Variants in PTPRD observed in about 807,000 individuals in gnomAD.
PTPRD encodes protein tyrosine phosphatase receptor type D.
Under a neutral mutation model 214.5 loss-of-function variants are expected in PTPRD, and 34 were observed. The ratio of observed to expected loss-of-function variants is 0.16; its 90% confidence interval spans 0.12 to 0.21. The LOEUF is 0.21. Ranked by LOEUF, PTPRD falls within the 10% of genes least tolerant of loss-of-function variation. PTPRD has a pLI of 1.00. For missense variants in PTPRD, 2,545 were observed against 2,398.7 expected (o/e 1.06, Z -1.27); for synonymous variants, 1,128 against 845.7 (o/e 1.33, Z -5.79).
At chr9:9,830,496 C>G (rs73398668) in intron 5 of PTPRD, among the ~76,000 whole-genome samples, 241 of 151,920 alleles carry the variant, frequency 1.6e-3, no homozygotes, top group African/African-American at 5.6e-3. Flanking sequence ...TTCATGACTC[C>G]TAGCATTGTA....
chr9:9,448,174 A>T (rs971119654), intron 8 of PTPRD, among the ~76,000 whole-genome samples: 6 of 152,050 alleles, frequency 3.9e-5, no homozygotes, highest in African/African-American at 1.4e-4. Context: ...AAGTTGTAAA[A>T]TTTTCAAAAA....
chr9:8,880,347 G>A (rs550773489), intron 11 of PTPRD, among the ~76,000 whole-genome samples: 4 of 152,162 alleles, frequency 2.6e-5, no homozygotes, highest in Admixed American at 1.3e-4. Context: ...TTCAATGCTA[G>A]GTCTGGCGCA....
chr9:9,289,796 C>A (rs1302130963), intron 9 of PTPRD, among the ~76,000 whole-genome samples: 2 of 151,680 alleles, frequency 1.3e-5, no homozygotes, highest in Non-Finnish European at 2.9e-5. Context: ...GGATTTACTT[C>A]TTCTTAAAGG....
chr9:9,968,040 C>G (rs185742915), intron 4 of PTPRD, among the ~76,000 whole-genome samples: 21 of 152,202 alleles, frequency 1.4e-4, no homozygotes, highest in African/African-American at 4.8e-4. Context: ...TTCTCTCACG[C>G]ATATCATAAT....
At chr9:9,552,306 C>G (rs1041657284) in intron 8 of PTPRD, among the ~76,000 whole-genome samples, 2 of 151,926 alleles carry the variant, frequency 1.3e-5, no homozygotes, top group Non-Finnish European at 2.9e-5. Flanking sequence ...TCAAGTCAGT[C>G]ATTGTTTTTG....
intron 7 of PTPRD, among the ~76,000 whole-genome samples, chr9:9,672,230 C>G (rs78561376): frequency 6.6e-6 from 1 of 151,914 alleles, no homozygotes; most frequent in African/African-American, 2.4e-5. Flanking sequence ...TTTCTGAAAA[C>G]AGTAAATTTT....
rs532974557 is a variant in PTPRD, at chr9:9,559,102, C to T, written c.-237+15630G>A. On this transcript the variant is annotated intron_variant, in intron 8 of 45. Transcript: ENST00000381196. ...TAAGTCATCTGAATGATGACTGTAG[C>T]CTGTCCTGCCACACTCTTATGAGCC... Among the ~76,000 whole-genome samples the T allele has an allele frequency of 2.0e-5, 3 of 152,196 alleles. No individual in the cohort carries two copies. In the South Asian group the frequency reaches 6.2e-4, roughly 32 times the overall value.
At chr9:9,287,566 G>C (rs1422023131) in intron 9 of PTPRD, among the ~76,000 whole-genome samples, 1 of 151,856 alleles carries the variant, frequency 6.6e-6, no homozygotes, top group Non-Finnish European at 1.5e-5. Context: ...ATGGCCTTGA[G>C]AGTTTTCTCA....
intron 4 of PTPRD, among the ~76,000 whole-genome samples, chr9:10,027,593 T>A (rs2096952093): frequency 6.6e-6 from 1 of 152,204 alleles, no homozygotes; most frequent in Admixed American, 6.5e-5. Context: ...GTGGAAGCAT[T>A]TGTTATAACA....
At chr9:9,659,915 T>C (rs1379524395) in intron 7 of PTPRD, among the ~76,000 whole-genome samples, 2 of 152,094 alleles carry the variant, frequency 1.3e-5, no homozygotes, top group Non-Finnish European at 2.9e-5. Context: ...GAAGCAACTT[T>C]ATAGTCCTTT....
At chr9:10,591,514 A>C (rs891405786) in intron 2 of PTPRD, among the ~76,000 whole-genome samples, 2 of 152,126 alleles carry the variant, frequency 1.3e-5, no homozygotes, top group Non-Finnish European at 1.5e-5. Flanking sequence ...CAGAATATTT[A>C]AAACAATGCA....
chr9:9,953,201 C>T (rs2093609234), intron 4 of PTPRD, among the ~76,000 whole-genome samples: 1 of 152,070 alleles, frequency 6.6e-6, no homozygotes, highest in Admixed American at 6.5e-5. Context: ...TTAACATTAT[C>T]CTGGATATTT....
chr9:8,933,864 T>C (rs1156636698), intron 11 of PTPRD, among the ~76,000 whole-genome samples: 2 of 152,158 alleles, frequency 1.3e-5, no homozygotes, highest in Admixed American at 1.3e-4. Context: ...GTCAAAAGTT[T>C]AACAGACTTT....
chr9:9,037,401 A>G (rs324516), intron 10 of PTPRD, among the ~76,000 whole-genome samples: 1 of 151,994 alleles, frequency 6.6e-6, no homozygotes, highest in Admixed American at 6.6e-5. Flanking sequence ...AGCAAACCTC[A>G]CCTTAATGTT....
intron 9 of PTPRD, among the ~76,000 whole-genome samples, chr9:9,192,249 T>A (rs2131877834): frequency 6.6e-6 from 1 of 151,766 alleles, no homozygotes; most frequent in East Asian, 1.9e-4. Flanking sequence ...AAGAAAAAAA[T>A]TATAAAGTGT....
At chr9:9,895,549 A>G (rs1206506384) in intron 5 of PTPRD, among the ~76,000 whole-genome samples, 1 of 152,072 alleles carries the variant, frequency 6.6e-6, no homozygotes, top group Non-Finnish European at 1.5e-5. Flanking sequence ...TATCTCATAG[A>G]AGTAGGGACT....
chr9:10,242,550 G>C (rs528763048), intron 3 of PTPRD, among the ~76,000 whole-genome samples: 4 of 151,636 alleles, frequency 2.6e-5, no homozygotes, highest in Non-Finnish European at 4.4e-5. Context: ...CTTTCTGCTA[G>C]ATCCAGGGAT....
chr9:9,719,041 G>A (rs535995474), intron 7 of PTPRD, among the ~76,000 whole-genome samples: 2 of 152,172 alleles, frequency 1.3e-5, no homozygotes, highest in Admixed American at 6.5e-5. Context: ...CCTGGAGTCA[G>A]AACTTCCTTG....
intron 3 of PTPRD, among the ~76,000 whole-genome samples, chr9:10,333,888 T>C (rs2096795960): frequency 6.6e-6 from 1 of 151,812 alleles, no homozygotes; most frequent in Admixed American, 6.6e-5. Context: ...AACTAATAAA[T>C]TAAATACAAG....
Sources: gnomAD v4.1 joint callset for allele counts (sites outside exome capture counted in the v4.1 genomes callset) on GRCh38, gnomAD v4.1.1 for gene constraint, MANE v1.5 for transcripts, NCBI Gene and HGNC (gene_info 2026-07-23, HGNC 2026-07-21) for gene names.